The following PCDHA1 variants were observed in gnomAD, a reference collection of about 807,000 sequenced individuals.
PCDHA1 encodes protocadherin alpha 1, also known as protocadherin alpha-1.
A neutral mutation model predicts 61.3 loss-of-function variants in PCDHA1; 42 were observed. That is an observed-to-expected ratio of 0.69 (90% CI 0.54 to 0.89). The LOEUF (loss-of-function observed/expected upper bound fraction) is 0.89, where lower values mean the gene tolerates loss of function less well. Among genes scored for constraint, PCDHA1 ranks in the 40% least tolerant of loss-of-function variants. PCDHA1 has a pLI of 0.00. For missense variants in PCDHA1, 1,256 were observed against 1,235.3 expected (o/e 1.02, Z -0.25); for synonymous variants, 610 against 553.8 (o/e 1.10, Z -1.43).
chr5:141,006,869 C>T (rs190273260), intron 3 of PCDHA1, among the ~76,000 whole-genome samples: 50 of 152,182 alleles, frequency 3.3e-4, no homozygotes, highest in African/African-American at 1.0e-3. Flanking sequence ...GGAATAGATT[C>T]GAGGAATCAA....
Position 140,982,486 on chromosome 5 carries a change from T to C in PCDHA1, c.2465T>C (p.Leu822Pro). ...LRAGMHSSVH[L>P]EEAGILRAGP... Reference sequence around the variant, plus strand: ...GTGTGTTTATTCAGCTCTGTGCACCTAGAGGAGGCTGGCATTCTACGGGCT... The same window carrying C: ...GTGTGTTTATTCAGCTCTGTGCACCCAGAGGAGGCTGGCATTCTACGGGCT... Residue 822 changes from leucine to proline, a missense_variant, in exon 3 of 4, where the codon CTA (leucine) becomes CCA (proline). Physicochemically the swap from Leu to Pro is moderately conservative, Grantham distance 98. Coordinates refer to ENST00000504120, the MANE Select transcript of PCDHA1 (RefSeq NM_018900.4). The C allele has an allele frequency of 6.2e-7, 1 of 1,614,180 alleles. No individual in the cohort carries two copies. Among genetic ancestry groups the C allele is most frequent in the South Asian group, 1.1e-5 (1 of 91,086 alleles).
chr5:140,796,892 C>G (rs782684742), intron 1 of PCDHA1: 1 of 1,613,982 alleles, frequency 6.2e-7, no homozygotes, highest in Non-Finnish European at 8.5e-7. Context: ...GCTGACTCCC[C>G]TCGACACCGC....
At chr5:140,909,519 T>C (rs975700982) in intron 1 of PCDHA1, among the ~76,000 whole-genome samples, 4 of 152,214 alleles carry the variant, frequency 2.6e-5, no homozygotes, top group Non-Finnish European at 4.4e-5. Context: ...TCACAACCCC[T>C]GCACATTTTG....
At chr5:140,871,940 T>C (rs1554165964) in intron 1 of PCDHA1, among the ~76,000 whole-genome samples, 1 of 152,226 alleles carries the variant, frequency 6.6e-6, no homozygotes, top group Non-Finnish European at 1.5e-5. Flanking sequence ...TCAACTGGCT[T>C]TGTTTTTCTA....
At chr5:140,790,488 A>C (rs1761587487) in intron 1 of PCDHA1, among the ~76,000 whole-genome samples, 1 of 152,240 alleles carries the variant, frequency 6.6e-6, no homozygotes, top group African/African-American at 2.4e-5. Context: ...TATTGTAAAA[A>C]ATAGGCTGTA....
rs2056458194 is a variant in PCDHA1, at chr5:140,876,609, T to C, written c.2394+87925T>C. ...TGATTAGCGTGTCGGATCGTGACTC[T>C]GGAGCCAATGGACAGGTCATCTGCT... On this transcript the variant is annotated intron_variant, in intron 1 of 3. Coordinates refer to ENST00000504120, the MANE Select transcript of PCDHA1 (RefSeq NM_018900.4). The C allele has an allele frequency of 3.1e-6, 5 of 1,614,226 alleles. No individual in the cohort carries two copies. In the East Asian group the frequency reaches 1.1e-4, roughly 36 times the overall value.
intron 1 of PCDHA1, chr5:140,854,216 A>T (rs1332746944): frequency 4.7e-6 from 3 of 633,232 alleles, no homozygotes; most frequent in Non-Finnish European, 5.9e-6. Flanking sequence ...TCAATATTGG[A>T]CATCTACATT....
chr5:140,907,252 A>C (rs1459023391), intron 1 of PCDHA1, among the ~76,000 whole-genome samples: 3 of 152,152 alleles, frequency 2.0e-5, no homozygotes, highest in African/African-American at 7.2e-5. Flanking sequence ...TGTAATTGTG[A>C]CTTCAAAAGG....
intron 1 of PCDHA1, among the ~76,000 whole-genome samples, chr5:140,910,560 G>A (rs1369178001): frequency 6.6e-6 from 1 of 152,160 alleles, no homozygotes; most frequent in East Asian, 1.9e-4. Flanking sequence ...ATTAGTCAAG[G>A]ATATATTTTC....
intron 1 of PCDHA1, among the ~76,000 whole-genome samples, chr5:140,789,490 A>C (rs528377966): frequency 2.0e-5 from 3 of 152,098 alleles, no homozygotes; most frequent in East Asian, 3.9e-4. Flanking sequence ...CCAACCAAAC[A>C]AACAAAAAAC....
intron 1 of PCDHA1, chr5:140,882,237 T>C (rs2059015707): frequency 8.2e-6 from 13 of 1,582,128 alleles, no homozygotes; most frequent in Non-Finnish European, 1.1e-5. Context: ...TTGTATATAT[T>C]GCAGATAGCT....
rs1554119327 is a variant in PCDHA1, at chr5:140,795,242, AGGAGCTGTGCGGGC to A, written c.2394+6564_2394+6577del. 6.8e-6 allele frequency: 11 copies of A among 1,614,238 alleles called. No individual in the cohort carries two copies. The South Asian group carries it at 1.2e-4, about 18-fold the overall frequency. ...TTTGTGAATTCTCGGATCGACCGGG[AGGAGCTGTGCGGGC>A]GGAGCGCGGAATGTAGCATCCACGT... On this transcript the variant is annotated intron_variant, in intron 1 of 3. Transcript: ENST00000504120.
chr5:140,913,659 A>T (rs1414002446), intron 1 of PCDHA1, among the ~76,000 whole-genome samples: 2 of 152,044 alleles, frequency 1.3e-5, no homozygotes, highest in Non-Finnish European at 2.9e-5. Flanking sequence ...TTTAAGATGT[A>T]TAGTTAGGTT....
chr5:140,848,569 T>C lies in PCDHA1; in HGVS notation c.2394+59885T>C, dbSNP rs1382719331. On this transcript the variant is annotated intron_variant, in intron 1 of 3. Coordinates refer to ENST00000504120, the MANE Select transcript of PCDHA1 (RefSeq NM_018900.4). ...TCGCTTCTGATCCTCGCAATGTGGG[T>C]GGTGGGGAGCGGCCAGCTCCACTAC... 5.0e-6 allele frequency: 8 copies of C among 1,595,090 alleles called. 2 individuals carry two copies. The highest frequency in any genetic ancestry group is 6.9e-6 in the Non-Finnish European group (8 of 1,165,390).
At chr5:140,843,313 G>T (rs1554139942) in intron 1 of PCDHA1, 3 of 1,595,962 alleles carry the variant, frequency 1.9e-6, no homozygotes, top group Admixed American at 1.7e-5. Context: ...CCACGGCCAC[G>T]GTTCTGGTGT....
At chr5:140,870,819 G>A (rs1365807310) in intron 1 of PCDHA1, 2 of 1,613,712 alleles carry the variant, frequency 1.2e-6, no homozygotes, top group Admixed American at 3.3e-5. Flanking sequence ...CTGGCAGCGC[G>A]GGAGGCGCAG....
In PCDHA1 at chr5:140,787,527, C is replaced by T. The variant is rs781800859; in HGVS notation, c.1237C>T (p.Leu413=). The change falls in exon 1 of 4, where the codon CTG becomes TTG. Residue 413 remains leucine (L), a synonymous_variant. Coordinates refer to ENST00000504120, the MANE Select transcript of PCDHA1 (RefSeq NM_018900.4). ...NYYSLVLDSA[L]DRESLSVYEL... ...CTACTCGTTGGTGTTGGACAGCGCC[C>T]TGGATCGCGAGAGCCTGTCGGTCTA... 2 of 1,614,218 alleles carry T rather than the reference C, an allele frequency of 1.2e-6. No individual in the cohort carries two copies. Among genetic ancestry groups the T allele is most frequent in the Non-Finnish European group, 8.5e-7 (1 of 1,180,040 alleles).
chr5:140,999,885 G>A (rs1250861955), intron 3 of PCDHA1, among the ~76,000 whole-genome samples: 1 of 152,200 alleles, frequency 6.6e-6, no homozygotes, highest in Non-Finnish European at 1.5e-5. Context: ...TAGCCCAGCT[G>A]TAGCTTGGGA....
rs140380568 is a variant in PCDHA1, at chr5:140,850,532, G to T, written c.2394+61848G>T. On this transcript the variant is annotated intron_variant, in intron 1 of 3. Coordinates refer to ENST00000504120, the MANE Select transcript of PCDHA1 (RefSeq NM_018900.4). ...AGAGCGGCCAGGCGCCAAAGTCATC[G>T]TCGCGGGCGTCAGTGGGTGCCACGG... is the stretch of plus-strand genomic sequence containing the variant. 5.9e-5 allele frequency: 94 copies of T among 1,598,250 alleles called. 12 individuals carry two copies. Among genetic ancestry groups the T allele is most frequent in the Non-Finnish European group, 7.6e-5 (89 of 1,167,856 alleles).
Sources: gnomAD v4.1 joint callset for allele counts (sites outside exome capture counted in the v4.1 genomes callset) on GRCh38, gnomAD v4.1.1 for gene constraint, MANE v1.5 for transcripts, NCBI Gene and HGNC (gene_info 2026-07-23, HGNC 2026-07-21) for gene names.